Variants in PLXDC2 observed in about 807,000 individuals in gnomAD.
The protein encoded by PLXDC2 is plexin domain containing 2, also known as plexin domain-containing protein 2.
Under a neutral mutation model 68.9 loss-of-function variants are expected in PLXDC2, and 40 were observed. The observed-to-expected ratio is 0.58, with a 90% confidence interval of 0.45 to 0.76. The LOEUF (loss-of-function observed/expected upper bound fraction) is 0.76, where lower values mean the gene tolerates loss of function less well. Among genes scored for constraint, PLXDC2 ranks in the 30% least tolerant of loss-of-function variants. The pLI, the probability that PLXDC2 is intolerant of heterozygous loss-of-function variation, is 0.00. For missense variants in PLXDC2, 644 were observed against 661.9 expected, an observed-to-expected ratio of 0.97 and a Z score of 0.30; for synonymous variants, 243 against 234.2, an observed-to-expected ratio of 1.04 and a Z score of -0.34.
At position 20,001,651 on chromosome 10, in the gene PLXDC2, A is replaced by G. The variant is rs1233067428; in HGVS notation, c.113-124A>G. On this transcript the variant is annotated intron_variant, in intron 1 of 13. Coordinates refer to ENST00000377252, the MANE Select transcript of PLXDC2 (RefSeq NM_032812.9). ...AAGATATTGCAAGTAAACAGATTTAACTGTTACAAGTTAGTTTCCTATTCT... is the reference window on the plus strand; with the variant it reads ...AAGATATTGCAAGTAAACAGATTTAGCTGTTACAAGTTAGTTTCCTATTCT... The G allele has an allele frequency of 7.7e-6, 6 of 784,126 alleles. No individual in the cohort carries two copies. In the Admixed American group the frequency reaches 1.0e-4, roughly 14 times the overall value. The allele number at this position is 784,126 out of a possible 1,614,324, so 48.6% of individuals were successfully genotyped here. A position where few individuals can be genotyped will look rare whatever the true frequency, so the allele number is the denominator to read the frequency against.
At chr10:19,860,458 C>G (rs1345385979) in intron 1 of PLXDC2, among the ~76,000 whole-genome samples, 1 of 152,132 alleles carries the variant, frequency 6.6e-6, no homozygotes, top group Non-Finnish European at 1.5e-5. Flanking sequence ...GAACACTGAA[C>G]TAGACATCAC....
At position 20,286,323 on chromosome 10, in the gene PLXDC2, T is replaced by C. The variant is rs1317846814; in HGVS notation, c.*6504T>C. On this transcript the variant is annotated 3_prime_UTR_variant, in exon 14 of 14. Transcript: ENST00000377252. Reference sequence around the variant, plus strand: ...AGCTTTTCCTAGTTTCTAAGGCTTATTAACATTTGCAAATTACTCAATAAA... The same window carrying C: ...AGCTTTTCCTAGTTTCTAAGGCTTACTAACATTTGCAAATTACTCAATAAA... 2 of 152,210 alleles carry C rather than the reference T, an allele frequency of 1.3e-5. No individual in the cohort carries two copies. The highest frequency in any genetic ancestry group is 6.5e-5 in the Admixed American group (1 of 15,284). 9.4% of individuals were successfully genotyped at this position (152,210 alleles called of 1,614,324 possible).
intron 1 of PLXDC2, among the ~76,000 whole-genome samples, chr10:19,897,735 A>G (rs1028311543): frequency 3.3e-5 from 5 of 152,320 alleles, no homozygotes; most frequent in African/African-American, 4.8e-5. Context: ...ACCATGAGAA[A>G]TTAAATGATT....
intron 12 of PLXDC2, among the ~76,000 whole-genome samples, chr10:20,237,705 T>G (rs1310250092): frequency 1.3e-5 from 2 of 152,224 alleles, no homozygotes; most frequent in Non-Finnish European, 2.9e-5. Context: ...TAGTTTAACT[T>G]TATTCTGAAG....
At chr10:20,200,464 A>G (rs944200954) in intron 9 of PLXDC2, among the ~76,000 whole-genome samples, 3 of 152,098 alleles carry the variant, frequency 2.0e-5, no homozygotes, top group Non-Finnish European at 2.9e-5. Flanking sequence ...ATAAATCTGC[A>G]TAAAACCGTG....
intron 7 of PLXDC2, among the ~76,000 whole-genome samples, chr10:20,175,632 C>A (rs2131824939): frequency 6.6e-6 from 1 of 152,254 alleles, no homozygotes; most frequent in African/African-American, 2.4e-5. Flanking sequence ...AGTTGAAGAC[C>A]AGCATGGGCA....
At chr10:20,066,686 G>T (rs1321850315) in intron 3 of PLXDC2, among the ~76,000 whole-genome samples, 1 of 152,126 alleles carries the variant, frequency 6.6e-6, no homozygotes, top group Non-Finnish European at 1.5e-5. Context: ...GCATTAAAAA[G>T]AAAACCTAAT....
intron 9 of PLXDC2, among the ~76,000 whole-genome samples, chr10:20,196,837 C>T (rs900418686): frequency 6.6e-6 from 1 of 152,156 alleles, no homozygotes; most frequent in African/African-American, 2.4e-5. Flanking sequence ...TCCCTCTCTT[C>T]TTCCCATTAT....
At chr10:20,192,809 C>A (rs1424026962) in intron 9 of PLXDC2, among the ~76,000 whole-genome samples, 2 of 151,908 alleles carry the variant, frequency 1.3e-5, no homozygotes, top group Non-Finnish European at 2.9e-5. Flanking sequence ...TCTAAAATAA[C>A]AAAGTGGACA....
At chr10:20,097,928 TTATAGTATTATATATTTA>T (rs1164787553) in intron 4 of PLXDC2, among the ~76,000 whole-genome samples, 19 of 148,484 alleles carry the variant, frequency 1.3e-4, no homozygotes, top group African/African-American at 2.9e-4. Flanking sequence ...ATTATATTAT[TTATAGTATTATATATTTA>T]TATAGTATTA....
chr10:20,126,163 G>A (rs925856103), intron 4 of PLXDC2, among the ~76,000 whole-genome samples: 1 of 145,792 alleles, frequency 6.9e-6, no homozygotes, highest in African/African-American at 2.5e-5. Flanking sequence ...TATTATGTAT[G>A]TATCTATACA....
chr10:19,940,034 A>G (rs1833791746), intron 1 of PLXDC2, among the ~76,000 whole-genome samples: 1 of 151,862 alleles, frequency 6.6e-6, no homozygotes, highest in Non-Finnish European at 1.5e-5. Flanking sequence ...TTGCTTGAAT[A>G]AATTCAAATT....
chr10:20,000,393 C>A (rs1009026909), intron 1 of PLXDC2, among the ~76,000 whole-genome samples: 1 of 150,858 alleles, frequency 6.6e-6, no homozygotes, highest in African/African-American at 2.4e-5. Flanking sequence ...TCTCTGTGGT[C>A]CTTTTGAGCT....
chr10:20,002,131 A>G (rs1834952319), intron 2 of PLXDC2, 145 bp downstream of exon 2: 1 of 813,308 alleles, frequency 1.2e-6, no homozygotes, highest in Non-Finnish European at 1.9e-6. Flanking sequence ...TCGTTAATAA[A>G]TATAATAACT....
chr10:20,188,683 T>C (rs1242502671), intron 9 of PLXDC2, among the ~76,000 whole-genome samples: 2 of 151,816 alleles, frequency 1.3e-5, no homozygotes, highest in Non-Finnish European at 2.9e-5. Context: ...AAAAAATCTG[T>C]AGATATATTT....
intron 4 of PLXDC2, among the ~76,000 whole-genome samples, chr10:20,094,222 C>T (rs1227726972): frequency 6.6e-6 from 1 of 152,190 alleles, no homozygotes; most frequent in Non-Finnish European, 1.5e-5. Context: ...CTACCATGTA[C>T]ATTGTTTGAA....
At chr10:20,098,702 G>C (rs190585874) in intron 4 of PLXDC2, among the ~76,000 whole-genome samples, 2 of 152,246 alleles carry the variant, frequency 1.3e-5, no homozygotes, top group East Asian at 3.9e-4. Context: ...TATGTAGGTA[G>C]TGGCTTATAA....
At chr10:20,228,256 G>A (rs1835312496) in intron 12 of PLXDC2, among the ~76,000 whole-genome samples, 1 of 152,062 alleles carries the variant, frequency 6.6e-6, no homozygotes, top group Non-Finnish European at 1.5e-5. Flanking sequence ...GGTATGGGAA[G>A]ATAGTATAAA....
chr10:20,115,643 G>T (rs1374646458), intron 4 of PLXDC2, among the ~76,000 whole-genome samples: 1 of 152,166 alleles, frequency 6.6e-6, no homozygotes, highest in Non-Finnish European at 1.5e-5. Flanking sequence ...TTGAAGATTA[G>T]ACAATGAACT....
Sources: allele counts gnomAD v4.1 joint callset (sites outside exome capture counted in the v4.1 genomes callset), GRCh38; gene constraint gnomAD v4.1.1; transcripts MANE v1.5; gene names NCBI Gene and HGNC (gene_info 2026-07-23, HGNC 2026-07-21).